Variants in MRPL1 observed in about 807,000 individuals in gnomAD.
The protein encoded by MRPL1 is mitochondrial ribosomal protein L1.
In MRPL1, 28 loss-of-function variants were observed where a neutral mutation model predicts 38.0. The ratio of observed to expected loss-of-function variants is 0.74; its 90% CI spans 0.55 to 1.01. The LOEUF (loss-of-function observed/expected upper bound fraction) is 1.01. Among genes scored for constraint, MRPL1 ranks in the 50% least tolerant of loss-of-function variants. The pLI, the probability that MRPL1 is intolerant of heterozygous loss-of-function variation, is 0.00. For synonymous variants in MRPL1, 123 were observed against 126.7 expected (o/e 0.97, Z 0.20); for missense variants, 358 against 389.8 (o/e 0.92, Z 0.69).
intron 7 of MRPL1, among the ~76,000 whole-genome samples, chr4:77,924,491 C>T (rs1054952312): frequency 3.9e-5 from 6 of 152,278 alleles, no homozygotes; most frequent in East Asian, 1.9e-4. Context: ...CCTTCATTCA[C>T]GGCTCCGCTC....
chr4:77,892,226 G>A (rs1003443220), intron 5 of MRPL1, among the ~76,000 whole-genome samples: 1 of 151,782 alleles, frequency 6.6e-6, no homozygotes, highest in African/African-American at 2.4e-5. Flanking sequence ...CCACCTCCCG[G>A]GTTCAAGCAA....
intron 6 of MRPL1, among the ~76,000 whole-genome samples, chr4:77,896,117 T>C (rs1735904990): frequency 6.6e-6 from 1 of 151,960 alleles, no homozygotes; most frequent in South Asian, 2.1e-4. Context: ...CTTTGCTACT[T>C]TATCCATTCT....
At chr4:77,866,054 T>C (rs1353159394) in intron 1 of MRPL1, among the ~76,000 whole-genome samples, 4 of 152,176 alleles carry the variant, frequency 2.6e-5, no homozygotes, top group Non-Finnish European at 4.4e-5. Flanking sequence ...AAAAAACATG[T>C]AAAATACTTT....
chr4:77,882,723 A>G (rs568548034), intron 2 of MRPL1, among the ~76,000 whole-genome samples: 17 of 152,292 alleles, frequency 1.1e-4, no homozygotes, highest in African/African-American at 2.9e-4. Context: ...TTATGTATCC[A>G]TTCATCAGTT....
At chr4:77,896,149 C>CTTT (rs527571244) in intron 6 of MRPL1, among the ~76,000 whole-genome samples, 1 of 127,450 alleles carries the variant, frequency 7.8e-6, no homozygotes, top group Non-Finnish European at 1.7e-5. Context: ...TTTTAGCTTC[C>CTTT]TTTTTTTTTT....
chr4:77,919,913 G>A (rs1309794686), intron 7 of MRPL1, among the ~76,000 whole-genome samples: 2 of 151,730 alleles, frequency 1.3e-5, no homozygotes, highest in African/African-American at 4.8e-5. Flanking sequence ...ATCCAGTTGG[G>A]TAGAGTTTCA....
intron 6 of MRPL1, among the ~76,000 whole-genome samples, chr4:77,897,290 G>C (rs113551707): frequency 0.025 from 3,782 of 152,076 alleles, 65 homozygotes; most frequent in Non-Finnish European, 0.037. Flanking sequence ...CTGACCTCAG[G>C]TAATCTGCCT....
intron 7 of MRPL1, among the ~76,000 whole-genome samples, chr4:77,914,821 G>A (rs996194232): frequency 2.6e-5 from 4 of 152,170 alleles, no homozygotes; most frequent in Non-Finnish European, 4.4e-5. Context: ...TGCCTATTAA[G>A]CGTCCTTATT....
At position 77,883,263 on chromosome 4, in the gene MRPL1, A is replaced by G. The variant is rs1222877992; in HGVS notation, c.165A>G (p.Lys55=). Residue 55 remains lysine (K), a synonymous_variant, in exon 3 of 9, where the codon AAA becomes AAG. Coordinates refer to ENST00000315567, the MANE Select transcript of MRPL1 (RefSeq NM_020236.4). ...AATKSAKKTK[K]GAKEKTPDEK... is the part of the protein sequence containing the mutation. ...TAAGGTCTGCAAAGAAAACAAAAAA[A>G]GGTGCTAAAGAAAAAACACCAGATG... 1.9e-6 allele frequency: 3 copies of G among 1,577,780 alleles called. No homozygotes were observed. Among genetic ancestry groups the G allele is most frequent in the Non-Finnish European group, 2.6e-6 (3 of 1,167,216 alleles).
At chr4:77,915,159 T>G (rs1287609242) in intron 7 of MRPL1, among the ~76,000 whole-genome samples, 1 of 152,188 alleles carries the variant, frequency 6.6e-6, no homozygotes, top group Non-Finnish European at 1.5e-5. Context: ...TGTGTTACGA[T>G]TCTGCATTTC....
At chr4:77,915,403 A>G (rs2110250960) in intron 7 of MRPL1, among the ~76,000 whole-genome samples, 1 of 152,236 alleles carries the variant, frequency 6.6e-6, no homozygotes, top group African/African-American at 2.4e-5. Context: ...CAGTACTTGC[A>G]GGTAAATTAG....
chr4:77,899,402 G>GT lies in MRPL1; in HGVS notation c.670+5158dup, dbSNP rs573735245. On this transcript the variant is annotated intron_variant, in intron 6 of 8. Coordinates refer to ENST00000315567, the MANE Select transcript of MRPL1 (RefSeq NM_020236.4). ...ACTATCCTTTCCAGCTGCGATCTTA[G>GT]TTTTTTATGTGTTTTATGTTAAGTT... 6.8e-3 allele frequency among the ~76,000 whole-genome samples: 1,029 copies of GT among 152,074 alleles called. 6 individuals are homozygous for GT. The highest frequency in any genetic ancestry group is 0.041 in the Middle Eastern group (12 of 292).
At chr4:77,949,290 G>A (rs1048156178) in intron 7 of MRPL1, among the ~76,000 whole-genome samples, 4 of 152,144 alleles carry the variant, frequency 2.6e-5, no homozygotes, top group African/African-American at 9.7e-5. Flanking sequence ...CAAGATAATT[G>A]TTATTGCATA....
chr4:77,912,040 ATC>A lies in MRPL1; in HGVS notation c.777+2670_777+2671del, dbSNP rs1255474168. ...GAGAAAGCATCTGACAGAATCCAAC[ATC>A]TGTTTCTGATTAAAAAGTCTCAGCA... On this transcript the variant is annotated intron_variant, in intron 7 of 8. Transcript: ENST00000315567. Among the ~76,000 whole-genome samples, 12 of 152,218 alleles carry A rather than the reference ATC, an allele frequency of 7.9e-5. 1 individual carries two copies. In the East Asian group the frequency reaches 2.3e-3, roughly 29 times the overall value.
chr4:77,874,287 G>A (rs1735345559), intron 2 of MRPL1, among the ~76,000 whole-genome samples: 2 of 152,106 alleles, frequency 1.3e-5, no homozygotes, highest in East Asian at 3.9e-4. Context: ...CACCCGGACC[G>A]CCTGCATTTA....
In MRPL1 at chr4:77,927,181, T is replaced by C. The variant is rs541921193; in HGVS notation, c.777+17809T>C. ...GGGAAGTGTGTCTCACAGAATAGTT[T>C]TTCAATGACATGCAACCTAATTAAT... is the stretch of plus-strand genomic sequence containing the variant. On this transcript the variant is annotated intron_variant, in intron 7 of 8. Transcript: ENST00000315567. Among the ~76,000 whole-genome samples the C allele has an allele frequency of 2.0e-5, 3 of 152,334 alleles. No homozygotes were observed. In the South Asian group the frequency reaches 6.2e-4, roughly 32 times the overall value.
intron 2 of MRPL1, among the ~76,000 whole-genome samples, chr4:77,872,670 C>T (rs962670769): frequency 1.3e-5 from 2 of 152,178 alleles, no homozygotes; most frequent in African/African-American, 4.8e-5. Flanking sequence ...CAAGACCAGC[C>T]TGGCCAAGAT....
At chr4:77,891,700 G>T (rs1735810745) in intron 5 of MRPL1, among the ~76,000 whole-genome samples, 1 of 152,200 alleles carries the variant, frequency 6.6e-6, no homozygotes, top group Non-Finnish European at 1.5e-5. Context: ...TAAGCAAGAA[G>T]TTACCTCTCA....
intron 7 of MRPL1, among the ~76,000 whole-genome samples, chr4:77,927,080 C>T (rs1736730526): frequency 6.6e-6 from 1 of 152,008 alleles, no homozygotes; most frequent in South Asian, 2.1e-4. Context: ...TTCCCTCCCT[C>T]CTTGGTCATC....
Sources: allele counts gnomAD v4.1 joint callset (sites outside exome capture counted in the v4.1 genomes callset), GRCh38; gene constraint gnomAD v4.1.1; transcripts MANE v1.5; gene names NCBI Gene and HGNC (gene_info 2026-07-23, HGNC 2026-07-21).